The following MAP1LC3C variants were observed in gnomAD, a reference collection of about 807,000 sequenced individuals.
The protein encoded by MAP1LC3C is microtubule associated protein 1 light chain 3 gamma, also known as microtubule-associated protein 1 light chain 3 gamma.
Under a neutral mutation model 10.4 loss-of-function variants are expected in MAP1LC3C, and 12 were observed. The ratio of observed to expected loss-of-function variants is 1.15; its 90% CI spans 0.74 to 1.86. The LOEUF is 1.86. Ranked by LOEUF, MAP1LC3C falls within the 40% of genes most tolerant of loss-of-function variation. The probability of loss-of-function intolerance (pLI) is 0.00; values close to 1 mark genes in which losing one functional copy is unlikely to be tolerated. For missense variants in MAP1LC3C, 177 were observed against 185.7 expected (o/e 0.95, Z 0.27); for synonymous variants, 70 against 69.0 (o/e 1.01, Z -0.07).
chr1:241,998,315 C>T (rs1665128300), intron 3 of MAP1LC3C, among the ~76,000 whole-genome samples, 199 bp downstream of exon 3: 1 of 152,124 alleles, frequency 6.6e-6, no homozygotes, highest in Non-Finnish European at 1.5e-5. Flanking sequence ...AGCCACTCCG[C>T]CCGGGGTTTA....
chr1:241,997,540 C>A (rs1260831968), intron 3 of MAP1LC3C, among the ~76,000 whole-genome samples: 1 of 152,074 alleles, frequency 6.6e-6, no homozygotes, highest in Non-Finnish European at 1.5e-5. Context: ...ACTCATTCAT[C>A]GTGTGTTCTC....
chr1:241,995,923 A>AG lies in MAP1LC3C; in HGVS notation c.*239_*240insC. On this transcript the variant is annotated 3_prime_UTR_variant, in exon 4 of 4. Transcript: ENST00000357246. ...AATAGAGCAAGACCCTGTTTCAAAA[A>AG]AAAAAAAATGATAATTATATAACTT... 5.1e-6 allele frequency: 2 copies of AG among 391,402 alleles called. No homozygotes were observed. The highest frequency in any genetic ancestry group is 9.2e-6 in the Non-Finnish European group (2 of 216,428). 24.2% of individuals were successfully genotyped at this position (391,402 alleles called of 1,614,324 possible). A position where few individuals can be genotyped will look rare whatever the true frequency, so the allele number is the denominator to read the frequency against.
upstream of MAP1LC3C, chr1:241,999,102 T>C: frequency 6.6e-7 from 1 of 1,504,204 alleles, no homozygotes; most frequent in Non-Finnish European, 8.8e-7. Flanking sequence ...CCAAACTGCC[T>C]GCAGGAGCCT....
At chr1:241,999,403 T>C (rs921939751), upstream of MAP1LC3C, among the ~76,000 whole-genome samples, 16 of 152,176 alleles carry the variant, frequency 1.1e-4, no homozygotes, top group African/African-American at 3.9e-4. Context: ...CCAAGCTGGA[T>C]CCACCTCAGC....
intron 3 of MAP1LC3C, among the ~76,000 whole-genome samples, chr1:241,997,334 A>G (rs1218301681): frequency 6.6e-6 from 1 of 152,154 alleles, no homozygotes; most frequent in African/African-American, 2.4e-5. Context: ...CCTGGGCAAC[A>G]TCGTGAGACC....
chr1:242,000,435 G>C (rs908372013), upstream of MAP1LC3C, among the ~76,000 whole-genome samples: 3 of 152,108 alleles, frequency 2.0e-5, no homozygotes, highest in Admixed American at 6.6e-5. Flanking sequence ...CGCCATGTTG[G>C]CTAGGCTGGT....
In MAP1LC3C at chr1:241,998,773, T is replaced by TA. The variant is rs754964331; in HGVS notation, c.114+2dup. ...CCCCAGCGGAAGTCCAGTGGTGTCT[T>TA]ACCGGGATTTTGTTGGGGAACTTTG... is the stretch of plus-strand genomic sequence containing the variant. On this transcript the variant is annotated splice_region_variant and intron_variant, in intron 2 of 3. Coordinates refer to ENST00000357246, the MANE Select transcript of MAP1LC3C (RefSeq NM_001004343.3). 8 of 1,614,124 alleles carry TA rather than the reference T, an allele frequency of 5.0e-6. No homozygotes were observed. In the African/African-American group the frequency reaches 1.1e-4, roughly 22 times the overall value.
At chr1:241,999,300 T>C (rs950882657), upstream of MAP1LC3C, among the ~76,000 whole-genome samples, 3 of 152,032 alleles carry the variant, frequency 2.0e-5, no homozygotes, top group Admixed American at 1.3e-4. Flanking sequence ...GAAATTAGGG[T>C]TTGTAATAAA....
At chr1:241,998,467 G>GGCGCACCCA in intron 3 of MAP1LC3C, 47 bp downstream of exon 3, 1 of 1,543,080 alleles carries the variant, frequency 6.5e-7, no homozygotes, top group South Asian at 1.1e-5. Context: ...CAACAGCCCC[G>GGCGCACCCA]GCGCACCCAG....
At chr1:241,996,449 A>G (rs1274545495) in intron 3 of MAP1LC3C, 64 bp from the exon 4 acceptor site, 5 of 1,332,224 alleles carry the variant, frequency 3.8e-6, no homozygotes, top group Middle Eastern at 2.0e-4. Flanking sequence ...CTGCAGCCTC[A>G]TGACACTCAA....
At chr1:241,997,470 G>A (rs1665108081) in intron 3 of MAP1LC3C, among the ~76,000 whole-genome samples, 1 of 152,064 alleles carries the variant, frequency 6.6e-6, no homozygotes, top group Non-Finnish European at 1.5e-5. Flanking sequence ...CAGTGAACTA[G>A]GTTCACACCA....
chr1:241,996,376 C>A lies in MAP1LC3C; in HGVS notation c.231G>T (p.Met77Ile), dbSNP rs1193803615. Residue 77 changes from methionine to isoleucine, a missense_variant, in exon 4 of 4, where the codon ATG (methionine) becomes ATT (isoleucine). Coordinates refer to ENST00000357246, the MANE Select transcript of MAP1LC3C (RefSeq NM_001004343.3). ...AAAAGGCTTCCGTGGCTCTCAGGAC[C>A]ATGCGGCTCCTGGGATGGGCAGGAG... Reference protein sequence around the residue: ...TQFLSIIRSRMVLRATEAFYL... With the variant: ...TQFLSIIRSRIVLRATEAFYL... 30 of 1,613,858 alleles carry A rather than the reference C, an allele frequency of 1.9e-5. No individual in the cohort carries two copies. Among genetic ancestry groups the A allele is most frequent in the Non-Finnish European group, 2.4e-5 (28 of 1,179,964 alleles).
chr1:242,000,998 G>A (rs955661050), upstream of MAP1LC3C, among the ~76,000 whole-genome samples: 9 of 152,102 alleles, frequency 5.9e-5, no homozygotes, highest in South Asian at 2.1e-4. Flanking sequence ...ACTTATTGCC[G>A]GGCATGGTGG....
At chr1:242,000,073 G>A (rs915098644), upstream of MAP1LC3C, among the ~76,000 whole-genome samples, 1 of 152,064 alleles carries the variant, frequency 6.6e-6, no homozygotes, top group African/African-American at 2.4e-5. Flanking sequence ...GTGGGTGGGG[G>A]TTCCCCATAC....
chr1:241,998,809 A>C lies in MAP1LC3C; in HGVS notation c.81T>G (p.Ala27=), dbSNP rs757271800. ...KSLAIRQEEV[A]GIRAKFPNKI... ...TGTTGGGGAACTTTGCCCGGATTCC[A>C]GCAACTTCCTCTTGTCTGATTGCTG... The change falls in exon 2 of 4, where the codon GCT becomes GCG. Residue 27 remains alanine (A), a synonymous_variant. Transcript: ENST00000357246. 1 of 1,613,944 alleles carries C rather than the reference A, an allele frequency of 6.2e-7. No homozygotes were observed. The highest frequency in any genetic ancestry group is 8.5e-7 in the Non-Finnish European group (1 of 1,180,008).
At chr1:241,996,705 G>A (rs1665091501) in intron 3 of MAP1LC3C, among the ~76,000 whole-genome samples, 1 of 151,806 alleles carries the variant, frequency 6.6e-6, no homozygotes, top group Non-Finnish European at 1.5e-5. Flanking sequence ...GGCAGCTCAC[G>A]AGGTCAAGAA....
At chr1:242,000,051 GT>G, upstream of MAP1LC3C, among the ~76,000 whole-genome samples, 1 of 152,060 alleles carries the variant, frequency 6.6e-6, no homozygotes, top group Admixed American at 6.6e-5. Context: ...AGATGTGTGT[GT>G]GTGTGTGTGG....
At chr1:241,998,440 G>A (rs1361384943) in intron 3 of MAP1LC3C, 74 bp downstream of exon 3, 2 of 1,317,148 alleles carry the variant, frequency 1.5e-6, no homozygotes, top group East Asian at 2.3e-5. Context: ...AAATAAAACT[G>A]CCAAACGAAG....
At chr1:241,998,443 A>G in intron 3 of MAP1LC3C, 71 bp downstream of exon 3, 2 of 1,373,014 alleles carry the variant, frequency 1.5e-6, no homozygotes, top group East Asian at 2.3e-5. Flanking sequence ...TAAAACTGCC[A>G]AACGAAGAAA....
Sources: gnomAD v4.1 joint callset for allele counts (sites outside exome capture counted in the v4.1 genomes callset) on GRCh38, gnomAD v4.1.1 for gene constraint, MANE v1.5 for transcripts, NCBI Gene and HGNC (gene_info 2026-07-23, HGNC 2026-07-21) for gene names.